Variants in NFKBIZ observed in about 807,000 individuals in gnomAD.
The protein encoded by NFKBIZ is NFKB inhibitor zeta.
NFKBIZ carries 19 observed loss-of-function variants against 76.8 expected under a neutral mutation model. The ratio of observed to expected loss-of-function variants is 0.25; its 90% CI spans 0.17 to 0.36. The LOEUF is 0.36. Ranked by LOEUF, NFKBIZ falls within the 10% of genes least tolerant of loss-of-function variation. The pLI, the probability that NFKBIZ is intolerant of heterozygous loss-of-function variation, is 1.00. For synonymous variants in NFKBIZ, 368 were observed against 354.8 expected (o/e 1.04, Z -0.42); for missense variants, 829 against 910.9 (o/e 0.91, Z 1.16).
intron 5 of NFKBIZ, 34 bp from the exon 6 acceptor site, chr3:101,854,544 G>T (rs972382364): frequency 7.7e-7 from 1 of 1,292,072 alleles, no homozygotes; most frequent in South Asian, 1.2e-5. Context: ...GAAATCAGAA[G>T]TGATTCACCC....
chr3:101,833,934 T>C (rs1241592579), intron 2 of NFKBIZ, among the ~76,000 whole-genome samples: 1 of 152,182 alleles, frequency 6.6e-6, no homozygotes, highest in Non-Finnish European at 1.5e-5. Context: ...CATACCTCAC[T>C]TAGGTTTGTT....
chr3:101,850,346 C>T (rs1195815369), intron 1 of NFKBIZ: 1 of 159,382 alleles, frequency 6.3e-6, no homozygotes, highest in African/African-American at 2.4e-5. Context: ...CGTTAAAGGT[C>T]ATGACTTATT....
chr3:101,846,755 G>A (rs541333746), upstream of NFKBIZ, among the ~76,000 whole-genome samples: 1 of 152,272 alleles, frequency 6.6e-6, no homozygotes, highest in African/African-American at 2.4e-5. Context: ...TAATGTATTA[G>A]GGTTCTCCAG....
chr3:101,840,898 C>G (rs1942777862), intron 2 of NFKBIZ, among the ~76,000 whole-genome samples: 1 of 152,202 alleles, frequency 6.6e-6, no homozygotes, highest in Admixed American at 6.5e-5. Flanking sequence ...TATGGCATCT[C>G]CTTTGATGCT....
Position 101,854,615 on chromosome 3 carries a change from C to G in NFKBIZ, c.1375C>G (p.Leu459Val). The G allele has an allele frequency of 6.2e-7, 1 of 1,613,690 alleles. No individual in the cohort carries two copies. The highest frequency in any genetic ancestry group is 8.5e-7 in the Non-Finnish European group (1 of 1,179,898). ...HIAVAQGRRA[L>V]SYVLARKMNA... Reference sequence around the variant, plus strand: ...TGCTGTTGCCCAAGGGAGAAGGGCACTTTCCTATGTTCTTGCAAGAAAGAT... The same window carrying G: ...TGCTGTTGCCCAAGGGAGAAGGGCAGTTTCCTATGTTCTTGCAAGAAAGAT... Residue 459 changes from leucine to valine, a missense_variant, in exon 6 of 12, where the codon CTT becomes GTT. Leu to Val is a conservative substitution (Grantham distance 32). Transcript: ENST00000326172.
In NFKBIZ at chr3:101,852,233, T is replaced by C; in HGVS notation, c.429+9T>C. The C allele has an allele frequency of 1.4e-5, 22 of 1,613,462 alleles. No individual in the cohort carries two copies. Among genetic ancestry groups the C allele is most frequent in the East Asian group, 2.2e-5 (1 of 44,880 alleles). On this transcript the variant is annotated intron_variant, in intron 2 of 11. Transcript: ENST00000326172. ...CTGTGGATGATTTTAAGGTGACATC[T>C]ATTTTTCTGTTTTGAGTATAGAGTT... is the stretch of plus-strand genomic sequence containing the variant.
rs35824432 is a variant in NFKBIZ at position 101,843,020 on chromosome 3, TAAAAA to T, written c.-11-9041_-11-9037del. Reference sequence around the variant, plus strand: ...ATTTATTTTTAAAAACTGTATTTTCTAAAAAAAAAAAAAAAAAAAAAAAAAAAACT... The same window carrying T: ...ATTTATTTTTAAAAACTGTATTTTCTAAAAAAAAAAAAAAAAAAAAAAACT... On this transcript the variant is annotated intron_variant, in intron 2 of 12. Coordinates refer to the NFKBIZ transcript ENST00000394054. Among the ~76,000 whole-genome samples the T allele has an allele frequency of 6.2e-3, 413 of 66,458 alleles. 2 individuals are homozygous for T. Among genetic ancestry groups the T allele is most frequent in the African/African-American group, 0.021 (398 of 18,782 alleles). 43.6% of individuals were successfully genotyped at this position (66,458 alleles called of 152,430 possible). A position where few individuals can be genotyped will look rare whatever the true frequency, so the allele number is the denominator to read the frequency against.
At position 101,857,354 on chromosome 3, in the gene NFKBIZ, A is replaced by G; in HGVS notation, c.1998A>G (p.Leu666=). 6.2e-7 allele frequency: 1 copy of G among 1,614,226 alleles called. No homozygotes were observed. The highest frequency in any genetic ancestry group is 8.5e-7 in the Non-Finnish European group (1 of 1,180,032). Residue 666 remains leucine, a synonymous_variant, in exon 11 of 12, where the codon TTA becomes TTG. Transcript: ENST00000326172. Reference sequence around the variant, plus strand: ...GCTTGCAGTATCGGTTGACACAATTAGATGCTGTCCGCCTGTTGATGAGGA... The same window carrying G: ...GCTTGCAGTATCGGTTGACACAATTGGATGCTGTCCGCCTGTTGATGAGGA... ...AASLQYRLTQ[L]DAVRLLMRKG...
In NFKBIZ at chr3:101,852,138, C is replaced by T. The variant is rs757334322; in HGVS notation, c.343C>T (p.Arg115Trp). The T allele has an allele frequency of 1.9e-6, 3 of 1,614,122 alleles. No individual in the cohort carries two copies. The highest frequency in any genetic ancestry group is 2.5e-6 in the Non-Finnish European group (3 of 1,180,022). The stretch of plus-strand genomic sequence containing the variant: ...GCAGAGAGGCCCCTTTCAAGGTGTT[C>T]GGGTAAAGAACTCAGTGAAGGAACT... The part of the protein sequence containing the change: ...RQQRGPFQGV[R>W]VKNSVKELLL... The change falls in exon 2 of 12, where the codon CGG becomes TGG. Residue 115 changes from arginine (R) to tryptophan (W), a missense_variant. By Grantham distance (101) the Arg-to-Trp change is moderately radical. This residue lies in a region of NFKBIZ where 5 missense variants were observed against 19.0 expected (regional missense o/e 0.26). Transcript: ENST00000326172.
Position 101,853,851 on chromosome 3 carries a change from C to T in NFKBIZ, c.1325C>T (p.Ala442Val). The change falls in exon 5 of 12, where the codon GCA becomes GTA. Residue 442 changes from alanine (A) to valine (V), a missense_variant. Physicochemically the swap from Ala to Val is moderately conservative, Grantham distance 64. Around this residue, in one of 4 missense-constraint regions of NFKBIZ, gnomAD observed 272 missense variants for 384.2 expected, o/e 0.71. Transcript: ENST00000326172. ...CAAGACCAGTTTCTTTCAAAGGATG[C>T]AGATGGTGACACGTGAGTATTCTTT... ...ISQDQFLSKDADGDTFLHIAV... is the reference protein window; with the variant it reads ...ISQDQFLSKDVDGDTFLHIAV... 2 of 1,612,382 alleles carry T rather than the reference C, an allele frequency of 1.2e-6. No homozygotes were observed. Among genetic ancestry groups the T allele is most frequent in the South Asian group, 1.1e-5 (1 of 90,988 alleles).
At chr3:101,849,330 G>A (rs1942905403), upstream of NFKBIZ, 2 of 272,270 alleles carry the variant, frequency 7.3e-6, no homozygotes, top group Non-Finnish European at 6.9e-6. Context: ...GGAGCCGGGC[G>A]GGCGGGGCGA....
At position 101,852,101 on chromosome 3, in the gene NFKBIZ, G is replaced by T. The variant is rs201170403; in HGVS notation, c.306G>T (p.Gly102=). The T allele has an allele frequency of 1.7e-5, 27 of 1,614,202 alleles. 1 individual carries two copies. In the East Asian group the frequency reaches 5.1e-4, roughly 31 times the overall value. ...TTTGAACAGTTGAGCCCCATATGGG[G>T]GTTGGCAGGCAGCAGAGAGGCCCCT... is the stretch of plus-strand genomic sequence containing the variant. ...AERQPVEPHM[G]VGRQQRGPFQ... The change falls in exon 2 of 12, where the codon GGG becomes GGT. Residue 102 remains glycine (G), a synonymous_variant. Coordinates refer to ENST00000326172, the MANE Select transcript of NFKBIZ (RefSeq NM_031419.4).
At chr3:101,836,873 C>G (rs1383964426) in intron 2 of NFKBIZ, among the ~76,000 whole-genome samples, 1 of 152,178 alleles carries the variant, frequency 6.6e-6, no homozygotes, top group East Asian at 1.9e-4. Context: ...GTAGTTATGA[C>G]TCTCTTTAAA....
intron 9 of NFKBIZ, chr3:101,856,809 ATATT>A (rs752127823): frequency 5.0e-5 from 17 of 342,266 alleles, no homozygotes; most frequent in Non-Finnish European, 9.1e-5. Flanking sequence ...GGATTTAAAA[ATATT>A]TATTTTTCTA....
chr3:101,842,534 CATT>C (rs754409927), intron 2 of NFKBIZ, among the ~76,000 whole-genome samples: 7 of 151,892 alleles, frequency 4.6e-5, no homozygotes, highest in Non-Finnish European at 7.4e-5. Flanking sequence ...TCTCTTAAAA[CATT>C]ATGAGATTCT....
chr3:101,857,563 T>C, intron 11 of NFKBIZ, 104 bp downstream of exon 11: 6 of 1,536,680 alleles, frequency 3.9e-6, no homozygotes, highest in Non-Finnish European at 5.2e-6. Context: ...GCTCTTCAGG[T>C]GGACTCTATC....
intron 2 of NFKBIZ, among the ~76,000 whole-genome samples, chr3:101,833,800 G>A (rs1942678234): frequency 6.6e-6 from 1 of 152,112 alleles, no homozygotes; most frequent in African/African-American, 2.4e-5. Context: ...GATAAGAAAG[G>A]GATTGTTAAA....
rs1482607669 is a variant in NFKBIZ at position 101,853,671 on chromosome 3, G to T, written c.1145G>T (p.Cys382Phe). Residue 382 changes from cysteine to phenylalanine, a missense_variant, in exon 5 of 12, where the codon TGT (cysteine) becomes TTT (phenylalanine). This residue lies in a region of NFKBIZ where 371 missense variants were observed against 332.3 expected (regional missense o/e 1.12). Coordinates refer to ENST00000326172, the MANE Select transcript of NFKBIZ (RefSeq NM_031419.4). ...HSFSMMPSSA[C>F]EAMVGHEMAS... Reference sequence around the variant, plus strand: ...TTCAGCATGATGCCCAGCAGCGCCTGTGAGGCCATGGTGGGGCACGAGATG... The same window carrying T: ...TTCAGCATGATGCCCAGCAGCGCCTTTGAGGCCATGGTGGGGCACGAGATG... 4.3e-6 allele frequency: 7 copies of T among 1,614,148 alleles called. No homozygotes were observed. In the Admixed American group the frequency reaches 6.7e-5, roughly 15 times the overall value.
chr3:101,843,020 TAAAAAAAAAAAAAAAAAAAA>T (rs35824432), intron 2 of NFKBIZ, among the ~76,000 whole-genome samples: 1,434 of 66,514 alleles, frequency 0.022, 44 homozygotes, highest in African/African-American at 0.073. Context: ...CTGTATTTTC[TAAAAAAAAAAAAAAAAAAAA>T]AAAAAAAACT....
Sources: allele counts gnomAD v4.1 joint callset (sites outside exome capture counted in the v4.1 genomes callset), GRCh38; gene constraint gnomAD v4.1.1; regional missense constraint gnomAD v4.1.1; transcripts MANE v1.5; gene names NCBI Gene and HGNC (gene_info 2026-07-23, HGNC 2026-07-21).